Variants in SPEN observed in about 807,000 individuals in gnomAD.
SPEN encodes msx2-interacting protein.
Under a neutral mutation model 269.9 loss-of-function variants are expected in SPEN, and 18 were observed. That is an observed-to-expected ratio of 0.07 (90% CI 0.05 to 0.10). SPEN has a LOEUF of 0.10. SPEN is among the 10% of genes least tolerant of loss of function. The probability of loss-of-function intolerance (pLI) is 1.00; values close to 1 mark genes in which losing one functional copy is unlikely to be tolerated. For missense variants in SPEN, 3,822 were observed against 4,631.2 expected, an observed-to-expected ratio of 0.83 and a Z score of 5.07; for synonymous variants, 1,726 against 1,765.7, an observed-to-expected ratio of 0.98 and a Z score of 0.56.
chr1:15,873,482 A>G (rs1049988108), intron 2 of SPEN: 42 of 1,018,682 alleles, frequency 4.1e-5, no homozygotes, highest in Non-Finnish European at 4.9e-5. Context: ...TGATGGAGCT[A>G]TTTGGCTTTT....
chr1:15,850,996 A>G (rs1365695312), intron 1 of SPEN, among the ~76,000 whole-genome samples: 1 of 152,234 alleles, frequency 6.6e-6, no homozygotes, highest in East Asian at 1.9e-4. Flanking sequence ...TTCTCTTAAC[A>G]GTGATTAGGC....
chr1:15,932,010 G>T lies in SPEN; in HGVS notation c.5770G>T (p.Val1924Phe). 1 of 1,614,204 alleles carries T rather than the reference G, an allele frequency of 6.2e-7. No individual in the cohort carries two copies. Among genetic ancestry groups the T allele is most frequent in the Non-Finnish European group, 8.5e-7 (1 of 1,180,036 alleles). The change falls in exon 11 of 15, where the codon GTT becomes TTT. Residue 1924 changes from valine to phenylalanine, a missense_variant. Val to Phe is a conservative substitution (Grantham distance 50). Transcript: ENST00000375759. The surrounding 1 kb of genome is among the most constrained non-coding windows in gnomAD (Gnocchi z 4.2). ...AAACCGCTCTCCTGTCAAAGAGCCC[G>T]TTGAGCAACCAAGAGTGACCAGAAA... ...HENRSPVKEP[V>F]EQPRVTRKRL...
chr1:15,902,695 T>A (rs2070915447), intron 3 of SPEN, among the ~76,000 whole-genome samples: 1 of 152,152 alleles, frequency 6.6e-6, no homozygotes, highest in Non-Finnish European at 1.5e-5. Context: ...ATTATTCTAA[T>A]AGAAATTAGA....
At chr1:15,892,055 C>T (rs1381546954) in intron 3 of SPEN, among the ~76,000 whole-genome samples, 1 of 111,504 alleles carries the variant, frequency 9.0e-6, no homozygotes, top group African/African-American at 3.5e-5. Context: ...GAGTCTCGCT[C>T]TGTCGCCCAG....
At chr1:15,916,537 G>A (rs951547951) in intron 6 of SPEN, among the ~76,000 whole-genome samples, 1 of 128,094 alleles carries the variant, frequency 7.8e-6, no homozygotes, top group Non-Finnish European at 1.6e-5. Flanking sequence ...TTGAGACAGA[G>A]TATCACTCTG....
chr1:15,868,252 C>G (rs1469749586), intron 1 of SPEN, among the ~76,000 whole-genome samples: 1 of 151,598 alleles, frequency 6.6e-6, no homozygotes, highest in Non-Finnish European at 1.5e-5. Context: ...AAGTGATCCT[C>G]CCACCTGGCC....
At chr1:15,870,110 T>C (rs2070557943) in intron 1 of SPEN, among the ~76,000 whole-genome samples, 1 of 152,084 alleles carries the variant, frequency 6.6e-6, no homozygotes, top group African/African-American at 2.4e-5. Context: ...CCTCAGGTGA[T>C]CCACCTGCCT....
Position 15,935,964 on chromosome 1 carries a change from G to GCCCCCC in SPEN, c.9729_9730insCCCCCC (p.Pro3243_Thr3244insProPro). The GCCCCCC allele has an allele frequency of 2.6e-6, 4 of 1,568,136 alleles. No individual in the cohort carries two copies. Among genetic ancestry groups the GCCCCCC allele is most frequent in the Non-Finnish European group, 3.5e-6 (4 of 1,158,960 alleles). On this transcript the variant is annotated inframe_insertion, in exon 11 of 15. Transcript: ENST00000375759. This position sits in a 1 kb window ranked among gnomAD's most constrained non-coding sequence, Gnocchi z 7.7. ...TGCCAAGACACCAGATGCCAAAGCT[G>GCCCCCC]CCCCCACCCCCACCCCTGCCCCCGT... is the stretch of plus-strand genomic sequence containing the variant.
At chr1:15,876,704 C>G (rs754417136) in intron 3 of SPEN, 26 bp downstream of exon 3, 1 of 1,526,846 alleles carries the variant, frequency 6.5e-7, no homozygotes. Context: ...TTTGTTATAA[C>G]AGATGAGCTA....
chr1:15,920,781 C>T (rs906372792), intron 8 of SPEN, 89 bp from the exon 9 acceptor site: 14 of 549,340 alleles, frequency 2.5e-5, no homozygotes, highest in Admixed American at 2.2e-4. Flanking sequence ...TTTTCTCATC[C>T]GTGTCCTTGT....
rs547910093 is a variant in SPEN, at chr1:15,876,839, G to C, written c.881+161G>C. The C allele has an allele frequency of 4.6e-4, 294 of 639,970 alleles. 7 individuals are homozygous for C. The South Asian group carries it at 5.3e-3, about 12-fold the overall frequency. 39.6% of individuals were successfully genotyped at this position (639,970 alleles called of 1,614,324 possible). ...CTGGCATGTGGCCATTGAATTAACT[G>C]TTCTAAGTACTCGAAGTTAAGTGAT... On this transcript the variant is annotated intron_variant, in intron 3 of 14. Coordinates refer to ENST00000375759, the MANE Select transcript of SPEN (RefSeq NM_015001.3).
Position 15,919,401 on chromosome 1 carries a change from C to A in SPEN, c.1522-3C>A. Reference sequence around the variant, plus strand: ...TAATAGAAATTTTGCCTTTTATATTCAGCTGGGTTTTGGAAAGAGCATGCC... The same window carrying A: ...TAATAGAAATTTTGCCTTTTATATTAAGCTGGGTTTTGGAAAGAGCATGCC... On this transcript the variant is annotated splice_polypyrimidine_tract_variant and splice_region_variant and intron_variant, in intron 7 of 14. Transcript: ENST00000375759. 6.3e-7 allele frequency: 1 copy of A among 1,580,342 alleles called. No homozygotes were observed. The highest frequency in any genetic ancestry group is 8.6e-7 in the Non-Finnish European group (1 of 1,169,094).
Position 15,933,300 on chromosome 1 carries a change from A to C in SPEN, c.7060A>C (p.Ser2354Arg). Residue 2354 changes from serine to arginine, a missense_variant, in exon 11 of 15, where the codon AGC becomes CGC. Physicochemically the swap from Ser to Arg is moderately radical, Grantham distance 110. Transcript: ENST00000375759. This position sits in a 1 kb window ranked among gnomAD's most constrained non-coding sequence, Gnocchi z 5.7. ...CAAGAAAGTGGTGGCTCCTGTAGAG[A>C]GCCATGTCCCTGAATCCAACCAAGC... ...TNKKVVAPVE[S>R]HVPESNQAQG... 6.2e-7 allele frequency: 1 copy of C among 1,614,092 alleles called. No homozygotes were observed. Among genetic ancestry groups the C allele is most frequent in the Non-Finnish European group, 8.5e-7 (1 of 1,180,028 alleles).
At chr1:15,926,252 C>T (rs748207429) in intron 10 of SPEN, among the ~76,000 whole-genome samples, 1 of 151,958 alleles carries the variant, frequency 6.6e-6, no homozygotes, top group Middle Eastern at 3.4e-3. Context: ...AAAAAATTGG[C>T]CAAGCGTGGT....
intron 5 of SPEN, among the ~76,000 whole-genome samples, chr1:15,911,572 CT>C (rs1439805295): frequency 1.3e-5 from 2 of 152,100 alleles, no homozygotes; most frequent in African/African-American, 2.4e-5. Flanking sequence ...TGTGTAGACC[CT>C]TATTGAGTCC....
chr1:15,866,943 G>A (rs542583250), intron 1 of SPEN, among the ~76,000 whole-genome samples: 5 of 152,138 alleles, frequency 3.3e-5, no homozygotes, highest in Non-Finnish European at 5.9e-5. Context: ...TTGAAGGACA[G>A]GGACAGGTAT....
chr1:15,884,065 C>T (rs1458641966), intron 3 of SPEN, among the ~76,000 whole-genome samples: 2 of 152,078 alleles, frequency 1.3e-5, no homozygotes, highest in Non-Finnish European at 2.9e-5. Flanking sequence ...CCGCTTTGGC[C>T]TCCCAAAGTG....
chr1:15,906,705 T>G (rs1359465924), intron 3 of SPEN, among the ~76,000 whole-genome samples: 1 of 151,494 alleles, frequency 6.6e-6, no homozygotes, highest in Non-Finnish European at 1.5e-5. Context: ...CGCAAGTGAT[T>G]CACCTGCCTT....
At chr1:15,908,017 T>G (rs950118815) in intron 3 of SPEN, among the ~76,000 whole-genome samples, 1 of 152,188 alleles carries the variant, frequency 6.6e-6, no homozygotes, top group Non-Finnish European at 1.5e-5. Flanking sequence ...CTCTCACCTT[T>G]CCATGTTATC....
Sources: allele counts gnomAD v4.1 joint callset (sites outside exome capture counted in the v4.1 genomes callset), GRCh38; gene constraint gnomAD v4.1.1; non-coding constraint Gnocchi (gnomAD v3.1); transcripts MANE v1.5; gene names NCBI Gene and HGNC (gene_info 2026-07-23, HGNC 2026-07-21).